CINP: variants seen among roughly 807,000 people sequenced by gnomAD.
CINP encodes the protein cyclin-dependent kinase 2-interacting protein.
In CINP, 11 loss-of-function variants were observed where a neutral mutation model predicts 20.5. The ratio of observed to expected loss-of-function variants is 0.54; its 90% CI spans 0.34 to 0.89. The LOEUF (loss-of-function observed/expected upper bound fraction) is 0.89. Ranked by LOEUF, CINP falls within the 40% of genes least tolerant of loss-of-function variation. CINP has a pLI of 0.02. For synonymous variants in CINP, 108 were observed against 102.1 expected (o/e 1.06, Z -0.35); for missense variants, 213 against 251.0 (o/e 0.85, Z 1.02).
At chr14:102,354,474 T>C (rs983588465) in intron 3 of CINP, among the ~76,000 whole-genome samples, 6 of 152,208 alleles carry the variant, frequency 3.9e-5, no homozygotes, top group African/African-American at 1.4e-4. Flanking sequence ...AAAGATTTCC[T>C]GGACGAACAT....
At chr14:102,352,272 G>C (rs1886885056) in intron 3 of CINP, 1 of 249,898 alleles carries the variant, frequency 4.0e-6, no homozygotes, top group African/African-American at 2.3e-5. Context: ...AAGAAAAGCT[G>C]ATAACAGGAG....
At chr14:102,359,714 T>C (rs1849226655) in intron 1 of CINP, 127 bp from the exon 2 acceptor site, 1 of 580,036 alleles carries the variant, frequency 1.7e-6, no homozygotes, top group African/African-American at 1.9e-5. Context: ...CAAATAAATG[T>C]GGAAACTACA....
In CINP at chr14:102,349,920, G is replaced by A. The variant is rs972360046; in HGVS notation, c.435C>T (p.Phe145=). Residue 145 remains phenylalanine (F), a splice_region_variant and synonymous_variant, in exon 4 of 5, where the codon TTC becomes TTT. Coordinates refer to ENST00000216756, the MANE Select transcript of CINP (RefSeq NM_032630.3). ...ATCAACTGAGAAGGAACTACTTACAGAAATGGGTTGTAGGCCACGTGTGGA... is the reference window on the plus strand; with the variant it reads ...ATCAACTGAGAAGGAACTACTTACAAAAATGGGTTGTAGGCCACGTGTGGA... ...PLFHTWPTTH[F]YEVSHKLLEM... 4.3e-6 allele frequency: 7 copies of A among 1,613,614 alleles called. No individual in the cohort carries two copies. The Admixed American group carries it at 8.3e-5, about 19-fold the overall frequency.
rs1455703441 is a variant in CINP, at chr14:102,360,363, AC to A, written c.8-777del. ...GCAACCCCCAGACCACCAAGAGCCA[AC>A]TCAGGTTGTTTGTTCTCCCCGAACC... is the stretch of plus-strand genomic sequence containing the variant. On this transcript the variant is annotated intron_variant, in intron 1 of 4. Coordinates refer to ENST00000216756, the MANE Select transcript of CINP (RefSeq NM_032630.3). 3.3e-5 allele frequency among the ~76,000 whole-genome samples: 5 copies of A among 152,040 alleles called. No homozygotes were observed. In the East Asian group the frequency reaches 9.7e-4, roughly 29 times the overall value.
At chr14:102,355,699 G>A in intron 3 of CINP, 69 bp downstream of exon 3, 2 of 1,580,990 alleles carry the variant, frequency 1.3e-6, no homozygotes, top group Non-Finnish European at 1.7e-6. Context: ...CAATGGTCAA[G>A]CAAACCCCAA....
intron 3 of CINP, among the ~76,000 whole-genome samples, chr14:102,352,946 G>A (rs1363051801): frequency 6.6e-6 from 1 of 151,430 alleles, no homozygotes; most frequent in Non-Finnish European, 1.5e-5. Flanking sequence ...ACTGCGCCTG[G>A]CCAAAACAAA....
chr14:102,348,558 C>CA lies in CINP; in HGVS notation c.637dup (p.Ter213LeufsTer4), dbSNP rs750196275. On this transcript the variant is annotated frameshift_variant and stop_lost, in exon 5 of 5. Transcript: ENST00000216756. LOFTEE classifies it high-confidence loss of function. ...AGTGTCCGCAGCCGTCTCAGGACGT[C>CA]AGAGAGCTCGGTGGCCTGTCTCCAG... 35 of 1,608,870 alleles carry CA rather than the reference C, an allele frequency of 2.2e-5. No individual in the cohort carries two copies. Among genetic ancestry groups the CA allele is most frequent in the Non-Finnish European group, 2.9e-5 (34 of 1,178,570 alleles).
rs1886875042 is a variant in CINP, at chr14:102,351,708, T to A, written c.307-1660A>T. Among the ~76,000 whole-genome samples, 1 of 152,188 alleles carries A rather than the reference T, an allele frequency of 6.6e-6. No homozygotes were observed. The highest frequency in any genetic ancestry group is 2.1e-4 in the South Asian group (1 of 4,832). On this transcript the variant is annotated intron_variant, in intron 3 of 4. Transcript: ENST00000216756. This position sits in a 1 kb window ranked among gnomAD's most constrained non-coding sequence, Gnocchi z 4.2. ...AGCTAACGTTAATTTTTAAAGGACT[T>A]TACTTAAGTAGTTTCCCAAATCTTT...
At chr14:102,359,352 A>G in intron 2 of CINP, 67 bp downstream of exon 2, 1 of 1,185,436 alleles carries the variant, frequency 8.4e-7, no homozygotes. Context: ...TTTAAAATTT[A>G]TTCACATTAT....
At chr14:102,355,500 G>A in intron 3 of CINP, 1 of 300,086 alleles carries the variant, frequency 3.3e-6, no homozygotes, top group Non-Finnish European at 6.3e-6. Flanking sequence ...GGGCGACAAA[G>A]CAAGACTCCA....
intron 3 of CINP, chr14:102,352,538 A>T: frequency 2.2e-6 from 1 of 456,118 alleles, no homozygotes; most frequent in South Asian, 1.5e-5. Flanking sequence ...GACACAGACC[A>T]GGTCTGGAAA....
chr14:102,352,016 C>G (rs1487678653), intron 3 of CINP, among the ~76,000 whole-genome samples: 1 of 152,158 alleles, frequency 6.6e-6, no homozygotes, highest in African/African-American at 2.4e-5. Context: ...TCCCAAGTAG[C>G]TGGGACTACA....
intron 3 of CINP, chr14:102,352,577 A>G (rs1567305106): frequency 6.6e-6 from 3 of 455,656 alleles, no homozygotes; most frequent in African/African-American, 6.0e-5. Context: ...AGAGGAAAAT[A>G]GGAAAAATAA....
chr14:102,355,856 G>A lies in CINP; in HGVS notation c.218C>T (p.Ser73Leu), dbSNP rs377133158. 37 of 1,613,956 alleles carry A rather than the reference G, an allele frequency of 2.3e-5. No homozygotes were observed. The highest frequency in any genetic ancestry group is 2.6e-5 in the Non-Finnish European group (31 of 1,180,012). Reference protein sequence around the residue: ...KIELDSSSPASKENEEKVCLE... With the variant: ...KIELDSSSPALKENEEKVCLE... ...ACACACCTTTTCTTCATTTTCCTTCGAGGCTGGGCTGCTGCTGTCTAGTTC... is the reference window on the plus strand; with the variant it reads ...ACACACCTTTTCTTCATTTTCCTTCAAGGCTGGGCTGCTGCTGTCTAGTTC... The change falls in exon 3 of 5, where the codon TCG becomes TTG. Residue 73 changes from serine to leucine, a missense_variant. Ser to Leu is a moderately radical substitution (Grantham distance 145). Coordinates refer to ENST00000216756, the MANE Select transcript of CINP (RefSeq NM_032630.3).
At chr14:102,359,157 C>A (rs929882426) in intron 2 of CINP, among the ~76,000 whole-genome samples, 5 of 149,770 alleles carry the variant, frequency 3.3e-5, no homozygotes, top group African/African-American at 4.9e-5. Context: ...GCTGAGATCG[C>A]GCCATCACAC....
At chr14:102,349,022 G>T (rs566751428) in intron 4 of CINP, among the ~76,000 whole-genome samples, 1 of 152,238 alleles carries the variant, frequency 6.6e-6, no homozygotes, top group African/African-American at 2.4e-5. Flanking sequence ...GGAGGCCCAA[G>T]TGGGTGGATC....
At position 102,348,608 on chromosome 14, in the gene CINP, G is replaced by T. The variant is rs7012; in HGVS notation, c.588C>A (p.Ser196Arg). 1 of 1,613,182 alleles carries T rather than the reference G, an allele frequency of 6.2e-7. No individual in the cohort carries two copies. The change falls in exon 5 of 5, where the codon AGC becomes AGA. Residue 196 changes from serine (S) to arginine (R), a missense_variant. Ser to Arg is a moderately radical substitution (Grantham distance 110). Coordinates refer to ENST00000216756, the MANE Select transcript of CINP (RefSeq NM_032630.3). ...GCAGCATGCTCTCCAGATGCAGCCT[G>T]CTGTCGCTCTCCACATAGGGCTGGT... ...WLHQPYVESD[S>R]RLHLESMLLE...
chr14:102,349,996 C>T lies in CINP; in HGVS notation c.359G>A (p.Cys120Tyr), dbSNP rs183274433. 1.9e-6 allele frequency: 3 copies of T among 1,613,896 alleles called. No homozygotes were observed. Among genetic ancestry groups the T allele is most frequent in the East Asian group, 4.5e-5 (2 of 44,874 alleles). Reference protein sequence around the residue: ...EKLSSTTKGICELENYHYGEE... With the variant: ...EKLSSTTKGIYELENYHYGEE... Reference sequence around the variant, plus strand: ...CCCATAATGGTAGTTTTCTAGTTCACAAATTCCCTTGGTAGTTGAAGACAG... The same window carrying T: ...CCCATAATGGTAGTTTTCTAGTTCATAAATTCCCTTGGTAGTTGAAGACAG... Residue 120 changes from cysteine to tyrosine, a missense_variant, in exon 4 of 5, where the codon TGT becomes TAT. By Grantham distance (194) the Cys-to-Tyr change is radical. Transcript: ENST00000216756.
Position 102,362,826 on chromosome 14 carries a change from AG to A in CINP, c.7+18del, listed in dbSNP as rs775781983. 6.2e-7 allele frequency: 1 copy of A among 1,614,078 alleles called. No individual in the cohort carries two copies. Among genetic ancestry groups the A allele is most frequent in the Non-Finnish European group, 8.5e-7 (1 of 1,179,946 alleles). On this transcript the variant is annotated intron_variant, in intron 1 of 4. Coordinates refer to ENST00000216756, the MANE Select transcript of CINP (RefSeq NM_032630.3). ...ATTCACAGCCACCCCACCCCGGGAAAGGAACCGATCTCACGCACCTTCCATA... is the reference window on the plus strand; with the variant it reads ...ATTCACAGCCACCCCACCCCGGGAAAGAACCGATCTCACGCACCTTCCATA...
Sources: gnomAD v4.1 joint callset for allele counts (sites outside exome capture counted in the v4.1 genomes callset) on GRCh38, gnomAD v4.1.1 for gene constraint, Gnocchi (gnomAD v3.1) non-coding constraint, MANE v1.5 for transcripts, NCBI Gene and HGNC (gene_info 2026-07-23, HGNC 2026-07-21) for gene names.